The following ADARB2 variants were observed in gnomAD, a reference collection of about 807,000 sequenced individuals.
The protein encoded by ADARB2 is adenosine deaminase RNA specific B2 (inactive).
Under a neutral mutation model 62.2 loss-of-function variants are expected in ADARB2, and 25 were observed. The observed-to-expected ratio is 0.40, with a 90% CI of 0.29 to 0.56. The LOEUF is 0.56. Among genes scored for constraint, ADARB2 ranks in the 20% least tolerant of loss-of-function variants. The pLI is 0.43. For synonymous variants in ADARB2, 572 were observed against 500.8 expected (o/e 1.14, Z -1.90); for missense variants, 1,071 against 1,077.4 (o/e 0.99, Z 0.08).
intron 1 of ADARB2, among the ~76,000 whole-genome samples, chr10:1,574,518 C>T (rs889981746): frequency 6.6e-6 from 1 of 152,138 alleles, no homozygotes; most frequent in Non-Finnish European, 1.5e-5. Context: ...TGAACAGACA[C>T]TCCTGTTCCC....
At chr10:1,418,409 GC>G (rs1431777873) in intron 1 of ADARB2, among the ~76,000 whole-genome samples, 7 of 152,198 alleles carry the variant, frequency 4.6e-5, no homozygotes, top group Admixed American at 1.3e-4. Context: ...CAGATCCCCT[GC>G]CGAGACGCCA....
At chr10:1,497,810 G>A (rs553515540) in intron 1 of ADARB2, among the ~76,000 whole-genome samples, 8 of 151,392 alleles carry the variant, frequency 5.3e-5, no homozygotes, top group Non-Finnish European at 7.4e-5. Context: ...ACCACTTTAA[G>A]TATAAATTCC....
chr10:1,586,410 A>T (rs996124411), intron 1 of ADARB2, among the ~76,000 whole-genome samples: 1 of 152,208 alleles, frequency 6.6e-6, no homozygotes, highest in African/African-American at 2.4e-5. Flanking sequence ...AGCTGGCGGG[A>T]TGGTCGGGAA....
chr10:1,292,184 G>A (rs539472378), intron 3 of ADARB2: 5 of 152,478 alleles, frequency 3.3e-5, no homozygotes, highest in East Asian at 3.9e-4. Flanking sequence ...GGCTGGTCTC[G>A]AACTCCTTGG....
At chr10:1,675,762 G>A (rs1834460012) in intron 1 of ADARB2, among the ~76,000 whole-genome samples, 1 of 152,218 alleles carries the variant, frequency 6.6e-6, no homozygotes, top group Middle Eastern at 3.4e-3. Flanking sequence ...TAGTTACTCA[G>A]TCTCTGAGCT....
intron 3 of ADARB2, among the ~76,000 whole-genome samples, chr10:1,346,312 T>A (rs2131841552): frequency 6.6e-6 from 1 of 152,202 alleles, no homozygotes; most frequent in Non-Finnish European, 1.5e-5. Flanking sequence ...GGCTTGAGAT[T>A]GGGAATAACG....
At chr10:1,606,919 C>T (rs1833501573) in intron 1 of ADARB2, among the ~76,000 whole-genome samples, 1 of 152,120 alleles carries the variant, frequency 6.6e-6, no homozygotes, top group Non-Finnish European at 1.5e-5. Flanking sequence ...TTTTGTCCAT[C>T]CATGACAGAA....
chr10:1,187,294 G>A (rs960341560), intron 8 of ADARB2, among the ~76,000 whole-genome samples: 6 of 152,230 alleles, frequency 3.9e-5, no homozygotes, highest in Non-Finnish European at 7.3e-5. Flanking sequence ...ACCGGGCACT[G>A]GGAGAGGCAG....
At chr10:1,616,421 C>T (rs1181285691) in intron 1 of ADARB2, among the ~76,000 whole-genome samples, 6 of 151,930 alleles carry the variant, frequency 3.9e-5, no homozygotes, top group Non-Finnish European at 7.4e-5. Flanking sequence ...GGGAACTGGC[C>T]TCAGAGGGTT....
rs979471336 is a variant in ADARB2, at chr10:1,314,167, C to G, written c.1078-43098G>C. On this transcript the variant is annotated intron_variant, in intron 3 of 9. Coordinates refer to ENST00000381312, the MANE Select transcript of ADARB2 (RefSeq NM_018702.4). ...TTTTGAACTCTGTCTTCCCATTGCT[C>G]TAGGAACCATCATAATCATTTTGAA... 7.2e-5 allele frequency among the ~76,000 whole-genome samples: 11 copies of G among 152,306 alleles called. No individual in the cohort carries two copies. The East Asian group carries it at 1.7e-3, about 24-fold the overall frequency.
At chr10:1,697,904 G>A (rs117754313) in intron 1 of ADARB2, among the ~76,000 whole-genome samples, 176 of 152,340 alleles carry the variant, frequency 1.2e-3, no homozygotes, top group Middle Eastern at 3.4e-3. Context: ...CTCTCAAGAA[G>A]TACAGCAAGG....
intron 1 of ADARB2, among the ~76,000 whole-genome samples, chr10:1,559,341 GTCCTGA>G (rs1832756129): frequency 6.6e-6 from 1 of 152,234 alleles, no homozygotes; most frequent in Non-Finnish European, 1.5e-5. Context: ...GGTGTCAAGG[GTCCTGA>G]GATGCTAACG....
At chr10:1,556,225 C>A (rs973810337) in intron 1 of ADARB2, among the ~76,000 whole-genome samples, 1 of 151,548 alleles carries the variant, frequency 6.6e-6, no homozygotes, top group Non-Finnish European at 1.5e-5. Flanking sequence ...CCACCAAGAG[C>A]ACCTTCAAAG....
At position 1,706,282 on chromosome 10, in the gene ADARB2, C is replaced by G. The variant is rs1418164880; in HGVS notation, c.100+30769G>C. Among the ~76,000 whole-genome samples the G allele has an allele frequency of 3.3e-5, 5 of 152,330 alleles. No individual in the cohort carries two copies. In the East Asian group the frequency reaches 9.6e-4, roughly 29 times the overall value. On this transcript the variant is annotated intron_variant, in intron 1 of 9. Coordinates refer to ENST00000381312, the MANE Select transcript of ADARB2 (RefSeq NM_018702.4). ...CTTATCGACATGGCTGACCATGTTT[C>G]TTGCCTTTCAGAAGCAGAACATTCC...
chr10:1,707,166 C>T (rs556641567), intron 1 of ADARB2, among the ~76,000 whole-genome samples: 3 of 152,262 alleles, frequency 2.0e-5, no homozygotes, highest in Non-Finnish European at 4.4e-5. Flanking sequence ...TTCCTTCACG[C>T]GGTGTCCCGG....
intron 2 of ADARB2, among the ~76,000 whole-genome samples, chr10:1,370,123 T>G (rs1330959148): frequency 1.4e-4 from 21 of 152,210 alleles, no homozygotes; most frequent in Non-Finnish European, 7.3e-5. Context: ...GGGGTTTTAT[T>G]CTAGAGATGC....
intron 1 of ADARB2, among the ~76,000 whole-genome samples, chr10:1,380,528 G>A (rs1214806690): frequency 6.6e-6 from 1 of 152,156 alleles, no homozygotes; most frequent in Non-Finnish European, 1.5e-5. Flanking sequence ...TGGCCTTCAG[G>A]CGTCCAGACT....
chr10:1,240,333 G>GGTGTTTACTCCCCTCTGCCTCCCA lies in ADARB2; in HGVS notation c.1361+1797_1361+1798insTGGGAGGCAGAGGGGAGTAAACAC, dbSNP rs1830903522. 63 of 150,346 alleles carry GGTGTTTACTCCCCTCTGCCTCCCA rather than the reference G, an allele frequency of 4.2e-4. 2 individuals are homozygous for GGTGTTTACTCCCCTCTGCCTCCCA. Among genetic ancestry groups the GGTGTTTACTCCCCTCTGCCTCCCA allele is most frequent in the African/African-American group, 1.2e-3 (50 of 40,156 alleles). The allele number at this position is 150,346 out of a possible 1,614,324, so 9.3% of individuals were successfully genotyped here. A position where few individuals can be genotyped will look rare whatever the true frequency, so the allele number is the denominator to read the frequency against. On this transcript the variant is annotated intron_variant, in intron 5 of 9. Transcript: ENST00000381312. Reference sequence around the variant, plus strand: ...CGGTGTTTACTCCCCTCTGCCTCCCGGTGTTTACTCCCTGTGTCCTGGTGT... The same window carrying GGTGTTTACTCCCCTCTGCCTCCCA: ...CGGTGTTTACTCCCCTCTGCCTCCCGGTGTTTACTCCCCTCTGCCTCCCAGTGTTTACTCCCTGTGTCCTGGTGT...
At chr10:1,267,583 T>C (rs529345764) in intron 4 of ADARB2, among the ~76,000 whole-genome samples, 1 of 152,224 alleles carries the variant, frequency 6.6e-6, no homozygotes, top group Admixed American at 6.5e-5. Flanking sequence ...TTAGCACGTA[T>C]GGTAAAGGCA....
Sources: allele counts gnomAD v4.1 joint callset (sites outside exome capture counted in the v4.1 genomes callset), GRCh38; gene constraint gnomAD v4.1.1; transcripts MANE v1.5; gene names NCBI Gene and HGNC (gene_info 2026-07-23, HGNC 2026-07-21).